The following CCDC34 variants were observed in gnomAD, a reference collection of about 807,000 sequenced individuals.
The protein encoded by CCDC34 is coiled-coil domain-containing protein 34.
CCDC34 carries 40 observed loss-of-function variants against 44.1 expected under a neutral mutation model. The observed-to-expected ratio is 0.91, with a 90% CI of 0.70 to 1.18. CCDC34 has a LOEUF of 1.18. CCDC34 is among the 50% of genes most tolerant of loss of function. CCDC34 has a pLI of 0.00. For synonymous variants in CCDC34, 159 were observed against 158.2 expected (o/e 1.01, Z -0.04); for missense variants, 466 against 452.3 (o/e 1.03, Z -0.28).
At position 27,350,359 on chromosome 11, in the gene CCDC34, C is replaced by T. The variant is rs747641807; in HGVS notation, c.579G>A (p.Lys193=). The change falls in exon 3 of 6, where the codon AAG becomes AAA. Residue 193 remains lysine, a synonymous_variant. Transcript: ENST00000328697. ...KRKIIAEEKH[K]EWVQKKNEQK... ...GCTCATTCTTTTTCTGAACCCATTC[C>T]TTGTGCTTTTCTTCAGCAATTATCT... The T allele has an allele frequency of 6.2e-7, 1 of 1,613,840 alleles. No homozygotes were observed. Among genetic ancestry groups the T allele is most frequent in the South Asian group, 1.1e-5 (1 of 91,026 alleles).
intron 3 of CCDC34, among the ~76,000 whole-genome samples, chr11:27,342,444 T>C (rs1242283726): frequency 6.6e-6 from 1 of 151,434 alleles, no homozygotes; most frequent in East Asian, 1.9e-4. Context: ...AATATTTGCA[T>C]AAATCTTTGC....
At position 27,363,151 on chromosome 11, in the gene CCDC34, T is replaced by A. The variant is rs778444845; in HGVS notation, c.44A>T (p.Tyr15Phe). The change falls in exon 1 of 6, where the codon TAC (tyrosine) becomes TTC (phenylalanine). Residue 15 changes from tyrosine to phenylalanine, a missense_variant. Transcript: ENST00000328697. ...GRWGPTFPSSYAGFSADCRPR... is the reference protein window; with the variant it reads ...GRWGPTFPSSFAGFSADCRPR... Reference sequence around the variant, plus strand: ...TCTGCAGTCAGCAGAGAAACCGGCGTAGGAAGAGGGAAAAGTAGGCCCCCA... The same window carrying A: ...TCTGCAGTCAGCAGAGAAACCGGCGAAGGAAGAGGGAAAAGTAGGCCCCCA... 2 of 1,518,176 alleles carry A rather than the reference T, an allele frequency of 1.3e-6. No individual in the cohort carries two copies. Among genetic ancestry groups the A allele is most frequent in the Non-Finnish European group, 1.8e-6 (2 of 1,137,176 alleles). 94.0% of individuals were successfully genotyped at this position (1,518,176 alleles called of 1,614,324 possible). A position where few individuals can be genotyped will look rare whatever the true frequency, so the allele number is the denominator to read the frequency against.
intron 3 of CCDC34, among the ~76,000 whole-genome samples, chr11:27,342,349 G>GTGTA (rs141191667): frequency 4.2e-5 from 6 of 143,750 alleles, no homozygotes; most frequent in African/African-American, 1.5e-4. Context: ...ATAAATATAT[G>GTGTA]TATATATATG....
intron 3 of CCDC34, among the ~76,000 whole-genome samples, chr11:27,348,128 C>T (rs1862458009): frequency 1.3e-5 from 2 of 152,056 alleles, no homozygotes; most frequent in Admixed American, 1.3e-4. Context: ...CCGAGAGAAC[C>T]TTTGTTTCAT....
rs2133353528 is a variant in CCDC34 at position 27,363,138 on chromosome 11, A to G, written c.57T>C (p.Ser19=). The G allele has an allele frequency of 3.9e-6, 6 of 1,540,160 alleles. No homozygotes were observed. Among genetic ancestry groups the G allele is most frequent in the Non-Finnish European group, 5.2e-6 (6 of 1,146,070 alleles). The change falls in exon 1 of 6, where the codon TCT becomes TCC. Residue 19 remains serine, a synonymous_variant. Transcript: ENST00000328697. ...PTFPSSYAGF[S]ADCRPRSRPS... ...GCCGAGACCTGGGTCTGCAGTCAGC[A>G]GAGAAACCGGCGTAGGAAGAGGGAA... is the stretch of plus-strand genomic sequence containing the variant.
chr11:27,340,978 A>C (rs749820505), intron 4 of CCDC34, 141 bp from the exon 5 acceptor site: 22 of 681,176 alleles, frequency 3.2e-5, no homozygotes, highest in Non-Finnish European at 5.0e-5. Context: ...TTTTTATAAT[A>C]TGAGTAGAAT....
rs780537848 is a variant in CCDC34 at position 27,357,498 on chromosome 11, C to G, written c.403G>C (p.Val135Leu). The G allele has an allele frequency of 1.9e-6, 3 of 1,613,890 alleles. No homozygotes were observed. In the Admixed American group the frequency reaches 5.0e-5, roughly 27 times the overall value. The change falls in exon 2 of 6, where the codon GTG (valine) becomes CTG (leucine). Residue 135 changes from valine to leucine, a missense_variant. Transcript: ENST00000328697. ...SENNQEEQKQ[V>L]RLPESRLTPW... ...GTCAGGCGGCTTTCTGGTAAGCGCA[C>G]CTGTTTCTGTTCTTCTTGGTTATTT...
At chr11:27,349,221 GT>G in intron 3 of CCDC34, 1 of 950,746 alleles carries the variant, frequency 1.1e-6, no homozygotes, top group Non-Finnish European at 1.3e-6. Context: ...ATTACCCAAA[GT>G]TTTATAACAG....
intron 1 of CCDC34, among the ~76,000 whole-genome samples, chr11:27,362,601 G>C (rs748328088): frequency 6.6e-6 from 1 of 152,136 alleles, no homozygotes; most frequent in Non-Finnish European, 1.5e-5. Flanking sequence ...TGGGAAGTGA[G>C]ACTGCAGCAA....
chr11:27,363,181 C>G lies in CCDC34; in HGVS notation c.14G>C (p.Gly5Ala). Residue 5 changes from glycine to alanine, a missense_variant, in exon 1 of 6, where the codon GGG becomes GCG. Coordinates refer to ENST00000328697, the MANE Select transcript of CCDC34 (RefSeq NM_030771.2). MWAA[G>A]RWGPTFPSSY... Reference sequence around the variant, plus strand: ...AGAGGGAAAAGTAGGCCCCCAGCGCCCCGCCGCCCACATCTGGCCCGCCAA... The same window carrying G: ...AGAGGGAAAAGTAGGCCCCCAGCGCGCCGCCGCCCACATCTGGCCCGCCAA... 6.7e-7 allele frequency: 1 copy of G among 1,485,532 alleles called. No individual in the cohort carries two copies. Among genetic ancestry groups the G allele is most frequent in the Non-Finnish European group, 8.9e-7 (1 of 1,124,592 alleles). The allele number at this position is 1,485,532 out of a possible 1,614,324, so 92.0% of individuals were successfully genotyped here.
At chr11:27,354,471 A>G (rs1007848952) in intron 2 of CCDC34, among the ~76,000 whole-genome samples, 2 of 152,140 alleles carry the variant, frequency 1.3e-5, no homozygotes, top group Non-Finnish European at 2.9e-5. Context: ...TATGAAGCAA[A>G]TATTATCCTC....
At chr11:27,344,089 A>C (rs1487523729) in intron 3 of CCDC34, among the ~76,000 whole-genome samples, 5 of 152,322 alleles carry the variant, frequency 3.3e-5, no homozygotes, top group African/African-American at 1.2e-4. Context: ...TGAAAGCTTC[A>C]CTAGTTGATT....
At chr11:27,346,474 A>AGAATGAAG (rs1862436562) in intron 3 of CCDC34, among the ~76,000 whole-genome samples, 1 of 128,046 alleles carries the variant, frequency 7.8e-6, no homozygotes, top group South Asian at 2.9e-4. Context: ...GACAGAGGAA[A>AGAATGAAG]GAAGGAAGGA....
chr11:27,344,006 G>C (rs1280751486), intron 3 of CCDC34, among the ~76,000 whole-genome samples: 1 of 152,038 alleles, frequency 6.6e-6, no homozygotes, highest in East Asian at 1.9e-4. Context: ...TCGAGAAAAA[G>C]TAGTGTCTGA....
At chr11:27,358,964 C>CG (rs1471802757) in intron 1 of CCDC34, among the ~76,000 whole-genome samples, 4 of 114,600 alleles carry the variant, frequency 3.5e-5, no homozygotes, top group South Asian at 9.5e-4. Context: ...GTGGACCCCC[C>CG]CCCCCCACCG....
intron 3 of CCDC34, among the ~76,000 whole-genome samples, chr11:27,343,827 A>G (rs1199882902): frequency 3.9e-5 from 6 of 152,222 alleles, no homozygotes; most frequent in African/African-American, 1.4e-4. Context: ...AAACTAAGGC[A>G]CATGGAGGCT....
chr11:27,351,754 A>G (rs557387298), intron 2 of CCDC34, among the ~76,000 whole-genome samples: 1 of 152,318 alleles, frequency 6.6e-6, no homozygotes, highest in South Asian at 2.1e-4. Context: ...GGAAGGGAAG[A>G]TGAGGAGAAA....
chr11:27,351,190 G>C (rs1862499901), intron 2 of CCDC34, among the ~76,000 whole-genome samples: 2 of 152,092 alleles, frequency 1.3e-5, no homozygotes, highest in African/African-American at 4.8e-5. Context: ...CATAATTACT[G>C]GTTATTTTTC....
rs748091491 is a variant in CCDC34, at chr11:27,340,743, G to A, written c.860C>T (p.Pro287Leu). 3.7e-6 allele frequency: 6 copies of A among 1,613,702 alleles called. No homozygotes were observed. Among genetic ancestry groups the A allele is most frequent in the Non-Finnish European group, 5.1e-6 (6 of 1,179,836 alleles). Residue 287 changes from proline (P) to leucine (L), a missense_variant, in exon 5 of 6, where the codon CCT becomes CTT. Physicochemically the swap from Pro to Leu is moderately conservative, Grantham distance 98 (BLOSUM62 -3). Transcript: ENST00000328697. ...ACCATAGCTCTTTGCAGCTGGACGA[G>A]GTTTATGTTTCGCATTTTCCAACCA... is the stretch of plus-strand genomic sequence containing the variant. ...QEWLENAKHK[P>L]RPAAKSYGYA... is the part of the protein sequence containing the mutation.
Sources: allele counts gnomAD v4.1 joint callset (sites outside exome capture counted in the v4.1 genomes callset), GRCh38; gene constraint gnomAD v4.1.1; transcripts MANE v1.5; gene names NCBI Gene and HGNC (gene_info 2026-07-23, HGNC 2026-07-21).